MOCOS: variants seen among roughly 807,000 people sequenced by gnomAD.
MOCOS encodes molybdenum cofactor sulfurase.
A neutral mutation model predicts 83.6 loss-of-function variants in MOCOS; 86 were observed. The observed-to-expected ratio is 1.03, with a 90% CI of 0.86 to 1.23. MOCOS has a LOEUF of 1.23. Among genes scored for constraint, MOCOS ranks in the 50% most tolerant of loss-of-function variants. MOCOS has a pLI of 0.00. For synonymous variants in MOCOS, 445 were observed against 434.7 expected, an observed-to-expected ratio of 1.02 and a Z score of -0.29; for missense variants, 1,120 against 1,126.9, an observed-to-expected ratio of 0.99 and a Z score of 0.09.
intron 9 of MOCOS, among the ~76,000 whole-genome samples, chr18:36,246,814 C>T (rs575771858): frequency 5.3e-5 from 8 of 152,314 alleles, no homozygotes; most frequent in African/African-American, 1.9e-4. Flanking sequence ...GTGCTGCTTT[C>T]AAGAGAGCAC....
chr18:36,217,995 C>T (rs936027009), intron 8 of MOCOS, among the ~76,000 whole-genome samples: 3 of 152,140 alleles, frequency 2.0e-5, no homozygotes, highest in African/African-American at 7.2e-5. Context: ...GAACGGTCAA[C>T]CCAAAGAACA....
At chr18:36,246,361 C>T (rs1598590067) in intron 9 of MOCOS, among the ~76,000 whole-genome samples, 1 of 152,206 alleles carries the variant, frequency 6.6e-6, no homozygotes, top group Non-Finnish European at 1.5e-5. Context: ...GATACGGCTT[C>T]TAAAAAGCCA....
intron 12 of MOCOS, among the ~76,000 whole-genome samples, chr18:36,258,232 G>A (rs928681579): frequency 3.9e-5 from 6 of 152,310 alleles, no homozygotes; most frequent in Admixed American, 3.9e-4. Flanking sequence ...GTTTATAGCA[G>A]GGTGGACCCG....
At chr18:36,262,652 C>G (rs1294225544) in intron 13 of MOCOS, among the ~76,000 whole-genome samples, 2 of 152,098 alleles carry the variant, frequency 1.3e-5, no homozygotes, top group Non-Finnish European at 1.5e-5. Context: ...GCGTGCACCA[C>G]CACACCTGGC....
chr18:36,201,657 C>CA (rs1291055446), intron 4 of MOCOS, among the ~76,000 whole-genome samples: 1 of 3,124 alleles, frequency 3.2e-4, no homozygotes, highest in Non-Finnish European at 1.2e-3. Flanking sequence ...AGCAAGACTC[C>CA]ATCTCCAAAA....
chr18:36,218,643 T>C (rs1260367951), intron 8 of MOCOS, among the ~76,000 whole-genome samples: 1 of 152,024 alleles, frequency 6.6e-6, no homozygotes, highest in Non-Finnish European at 1.5e-5. Context: ...GCCTCTTGAG[T>C]AGCTGAGACT....
intron 9 of MOCOS, 92 bp from the exon 10 acceptor site, chr18:36,248,830 T>G: frequency 9.8e-7 from 1 of 1,023,066 alleles, no homozygotes; most frequent in Non-Finnish European, 1.5e-6. Context: ...TACCATGCTG[T>G]TTTGGTTACT....
intron 9 of MOCOS, among the ~76,000 whole-genome samples, chr18:36,222,665 G>A (rs1488366898): frequency 8.6e-5 from 13 of 150,290 alleles, no homozygotes; most frequent in Admixed American, 7.3e-4. Flanking sequence ...ACAGTGGCGC[G>A]ATCTTGGCTC....
At chr18:36,265,129 G>A (rs535103690) in intron 13 of MOCOS, among the ~76,000 whole-genome samples, 20 of 111,974 alleles carry the variant, frequency 1.8e-4, no homozygotes, top group African/African-American at 6.2e-4. Flanking sequence ...TGGAGACGCT[G>A]TTACTGGGCA....
intron 8 of MOCOS, among the ~76,000 whole-genome samples, chr18:36,217,360 TATTAAAAATATTAA>T (rs1254256283): frequency 2.0e-5 from 3 of 152,246 alleles, no homozygotes; most frequent in Admixed American, 2.0e-4. Context: ...GCTTAAAGTA[TATTAAAAATATTAA>T]ATTTTAATTT....
intron 9 of MOCOS, among the ~76,000 whole-genome samples, chr18:36,238,550 C>T (rs1278126752): frequency 1.4e-5 from 2 of 147,924 alleles, no homozygotes; most frequent in Non-Finnish European, 3.0e-5. Context: ...TGCTTTACTT[C>T]CAACTATGTG....
At chr18:36,253,019 G>C (rs901008021) in intron 11 of MOCOS, among the ~76,000 whole-genome samples, 1 of 152,110 alleles carries the variant, frequency 6.6e-6, no homozygotes. Context: ...TAAAGGGAGA[G>C]AGAAATAGGC....
chr18:36,201,663 C>CAAAAAAAAAAAAAAAA lies in MOCOS; in HGVS notation c.941+1340_941+1355dup, dbSNP rs200846253. ...TGGTGACAGAGCAAGACTCCATCTC[C>CAAAAAAAAAAAAAAAA]AAAAAAAAAAAAAAAAGAAATGATA... On this transcript the variant is annotated intron_variant, in intron 4 of 14. Transcript: ENST00000261326. Among the ~76,000 whole-genome samples the CAAAAAAAAAAAAAAAA allele has an allele frequency of 5.6e-3, 388 of 69,200 alleles. 4 individuals carry two copies. Among genetic ancestry groups the CAAAAAAAAAAAAAAAA allele is most frequent in the Non-Finnish European group, 7.5e-3 (270 of 35,948 alleles). 45.4% of individuals were successfully genotyped at this position (69,200 alleles called of 152,430 possible). A position where few individuals can be genotyped will look rare whatever the true frequency, so the allele number is the denominator to read the frequency against.
At position 36,215,563 on chromosome 18, in the gene MOCOS, C is replaced by T. The variant is rs772794109; in HGVS notation, c.1383C>T (p.Pro461=). ...ATATGGACCTCATAGATGGGCAGCC[C>T]ACAGGATCTGTGAGGATTTCATTTG... ...GDNMDLIDGQ[P]TGSVRISFGY... is the part of the protein sequence containing the mutation. The change falls in exon 8 of 15, where the codon CCC becomes CCT. Residue 461 remains proline, a synonymous_variant. Transcript: ENST00000261326. The T allele has an allele frequency of 1.9e-6, 3 of 1,614,034 alleles. No individual in the cohort carries two copies. Among genetic ancestry groups the T allele is most frequent in the Non-Finnish European group, 2.5e-6 (3 of 1,180,044 alleles).
chr18:36,257,141 C>T (rs1294585854), intron 12 of MOCOS, 68 bp downstream of exon 12: 4 of 1,352,760 alleles, frequency 3.0e-6, no homozygotes, highest in East Asian at 2.3e-5. Context: ...GGGCCTGGCA[C>T]CTGCCTGGAG....
chr18:36,211,365 T>G (rs919980872), intron 6 of MOCOS, among the ~76,000 whole-genome samples: 11 of 152,190 alleles, frequency 7.2e-5, no homozygotes, highest in African/African-American at 2.7e-4. Flanking sequence ...TCTTGCCAGC[T>G]CTGTGAACTT....
chr18:36,188,335 A>G (rs1598866302), intron 1 of MOCOS, among the ~76,000 whole-genome samples: 1 of 152,260 alleles, frequency 6.6e-6, no homozygotes, highest in African/African-American at 2.4e-5. Flanking sequence ...CTTTAAGAAC[A>G]GGGCGAGCCT....
intron 2 of MOCOS, among the ~76,000 whole-genome samples, chr18:36,195,576 AGAG>A (rs1306508886): frequency 6.6e-6 from 1 of 152,188 alleles, no homozygotes; most frequent in African/African-American, 2.4e-5. Context: ...TACCAGAAGA[AGAG>A]GCCAGTGTTA....
At chr18:36,204,564 G>A (rs2091427261) in intron 5 of MOCOS, among the ~76,000 whole-genome samples, 1 of 152,100 alleles carries the variant, frequency 6.6e-6, no homozygotes, top group African/African-American at 2.4e-5. Context: ...GAATGCCTAT[G>A]GAAAAATTCT....
Sources: gnomAD v4.1 joint callset for allele counts (sites outside exome capture counted in the v4.1 genomes callset) on GRCh38, gnomAD v4.1.1 for gene constraint, MANE v1.5 for transcripts, NCBI Gene and HGNC (gene_info 2026-07-23, HGNC 2026-07-21) for gene names.